The following CMSS1 variants were observed in gnomAD, a reference collection of about 807,000 sequenced individuals.
CMSS1 encodes protein CMSS1.
A neutral mutation model predicts 43.5 loss-of-function variants in CMSS1; 33 were observed. The observed-to-expected ratio is 0.76, with a 90% CI of 0.57 to 1.01. The LOEUF is 1.01. Ranked by LOEUF, CMSS1 falls within the 50% of genes least tolerant of loss-of-function variation. The pLI is 0.00. For synonymous variants in CMSS1, 115 were observed against 117.2 expected, an observed-to-expected ratio of 0.98 and a Z score of 0.12; for missense variants, 313 against 326.4, an observed-to-expected ratio of 0.96 and a Z score of 0.32.
chr3:99,907,951 T>C (rs764520744), intron 1 of CMSS1, among the ~76,000 whole-genome samples: 19 of 152,204 alleles, frequency 1.2e-4, no homozygotes, highest in Non-Finnish European at 2.5e-4. Flanking sequence ...CATTTTGAAA[T>C]GAATGAATAA....
chr3:100,134,492 A>G (rs550239693), intron 1 of CMSS1, among the ~76,000 whole-genome samples: 4 of 152,326 alleles, frequency 2.6e-5, no homozygotes, highest in African/African-American at 9.6e-5. Context: ...GGATGGCCTC[A>G]TCTCCATTTC....
intron 1 of CMSS1, among the ~76,000 whole-genome samples, chr3:100,006,775 G>A (rs1256277917): frequency 6.6e-6 from 1 of 152,118 alleles, no homozygotes; most frequent in South Asian, 2.1e-4. Flanking sequence ...AATCAGATAA[G>A]TAAATTAATA....
At chr3:100,018,660 A>G (rs775706558) in intron 1 of CMSS1, among the ~76,000 whole-genome samples, 2 of 151,878 alleles carry the variant, frequency 1.3e-5, no homozygotes, top group Non-Finnish European at 2.9e-5. Context: ...TTTTTTGGAT[A>G]TGATATCAAA....
chr3:100,043,683 A>G lies in CMSS1; in HGVS notation c.65-103290A>G, dbSNP rs142936150. On this transcript the variant is annotated intron_variant, in intron 1 of 9. Coordinates refer to ENST00000421999, the MANE Select transcript of CMSS1 (RefSeq NM_032359.4). The stretch of plus-strand genomic sequence containing the variant: ...TTTATTTTTTAAAACTTTTTTTACA[A>G]AATGACAAAAAATTGTGTATATTTA... 2.4e-3 allele frequency among the ~76,000 whole-genome samples: 370 copies of G among 152,334 alleles called. 1 individual carries two copies. Among genetic ancestry groups the G allele is most frequent in the African/African-American group, 8.4e-3 (348 of 41,572 alleles).
chr3:100,173,138 G>A (rs1269905951), intron 8 of CMSS1, among the ~76,000 whole-genome samples: 1 of 152,042 alleles, frequency 6.6e-6, no homozygotes, highest in Non-Finnish European at 1.5e-5. Flanking sequence ...TATAGAGATG[G>A]TCATTTGCCA....
chr3:99,893,673 T>C (rs1008871094), intron 1 of CMSS1, among the ~76,000 whole-genome samples: 3 of 152,232 alleles, frequency 2.0e-5, no homozygotes, highest in Non-Finnish European at 4.4e-5. Context: ...AAGTTAGCTA[T>C]TTTAAAGTAA....
chr3:99,859,216 G>A (rs1399187587), intron 1 of CMSS1, among the ~76,000 whole-genome samples: 4 of 152,252 alleles, frequency 2.6e-5, no homozygotes, highest in Non-Finnish European at 5.9e-5. Context: ...AGACCTTGAT[G>A]AGACAAATAC....
chr3:100,076,198 C>G (rs1379231103), intron 1 of CMSS1, among the ~76,000 whole-genome samples: 1 of 152,160 alleles, frequency 6.6e-6, no homozygotes, highest in Non-Finnish European at 1.5e-5. Context: ...AGTTAAGTAC[C>G]TCTTTTTGTC....
chr3:99,894,252 AGG>A (rs1213898889), intron 1 of CMSS1, among the ~76,000 whole-genome samples: 1 of 152,224 alleles, frequency 6.6e-6, no homozygotes, highest in African/African-American at 2.4e-5. Flanking sequence ...TTCAGTGCTA[AGG>A]GAGAAGATCT....
intron 1 of CMSS1, chr3:99,924,506 G>A: frequency 8.0e-7 from 1 of 1,257,074 alleles, no homozygotes; most frequent in Admixed American, 2.3e-5. Context: ...ATTCGGCAGT[G>A]GGTTTTTTTG....
intron 1 of CMSS1, among the ~76,000 whole-genome samples, chr3:99,842,602 A>G (rs1217966611): frequency 6.6e-6 from 1 of 152,120 alleles, no homozygotes; most frequent in African/African-American, 2.4e-5. Context: ...AAATAAGAAA[A>G]CTAGTTTCAG....
intron 1 of CMSS1, among the ~76,000 whole-genome samples, chr3:99,951,321 T>G (rs906198851): frequency 6.6e-6 from 1 of 152,138 alleles, no homozygotes; most frequent in Non-Finnish European, 1.5e-5. Context: ...ATCTATATTA[T>G]TATCTAAAGA....
intron 1 of CMSS1, among the ~76,000 whole-genome samples, chr3:100,046,532 T>TC (rs1559738371): frequency 6.6e-6 from 1 of 151,838 alleles, no homozygotes; most frequent in Non-Finnish European, 1.5e-5. Context: ...ATTCCCCAAC[T>TC]CCCCCCAGGA....
At chr3:100,005,249 A>G (rs1288094480) in intron 1 of CMSS1, among the ~76,000 whole-genome samples, 1 of 152,162 alleles carries the variant, frequency 6.6e-6, no homozygotes, top group Non-Finnish European at 1.5e-5. Flanking sequence ...TCTTTTTCTC[A>G]GATTGCTCAC....
rs1706742617 is a variant in CMSS1, at chr3:99,909,990, T to C, written c.64+91947T>C. Among the ~76,000 whole-genome samples, 2 of 83,800 alleles carry C rather than the reference T, an allele frequency of 2.4e-5. 1 individual carries two copies. The highest frequency in any genetic ancestry group is 6.4e-5 in the Non-Finnish European group (2 of 31,076). The allele number at this position is 83,800 out of a possible 152,430, so 55.0% of individuals were successfully genotyped here. A position where few individuals can be genotyped will look rare whatever the true frequency, so the allele number is the denominator to read the frequency against. The stretch of plus-strand genomic sequence containing the variant: ...TCAGTTCTCGGGGCAAAATGTGTAT[T>C]CAGAGCTGAAATTTTGTTTAAGAAT... On this transcript the variant is annotated intron_variant, in intron 1 of 9. Coordinates refer to ENST00000421999, the MANE Select transcript of CMSS1 (RefSeq NM_032359.4).
At chr3:100,111,588 G>A (rs2066491947) in intron 1 of CMSS1, among the ~76,000 whole-genome samples, 1 of 152,146 alleles carries the variant, frequency 6.6e-6, no homozygotes, top group Non-Finnish European at 1.5e-5. Context: ...AAGCACAGTA[G>A]GGCTGCTCTT....
chr3:99,851,212 ATT>A lies in CMSS1; in HGVS notation c.64+33171_64+33172del, dbSNP rs1943681509. On this transcript the variant is annotated intron_variant, in intron 1 of 9. Transcript: ENST00000421999. ...ATACAATATGCAAAAGAGTTCCTGA[ATT>A]TGATGACAGAGGAAAATCTTGATAA... 3 of 618,372 alleles carry A rather than the reference ATT, an allele frequency of 4.9e-6. No individual in the cohort carries two copies. In the East Asian group the frequency reaches 9.6e-5, roughly 20 times the overall value. 38.3% of individuals were successfully genotyped at this position (618,372 alleles called of 1,614,324 possible). A position where few individuals can be genotyped will look rare whatever the true frequency, so the allele number is the denominator to read the frequency against.
chr3:100,082,572 A>C (rs780075210), intron 1 of CMSS1, among the ~76,000 whole-genome samples: 6 of 152,136 alleles, frequency 3.9e-5, no homozygotes, highest in Non-Finnish European at 8.8e-5. Flanking sequence ...AAGACCCTAA[A>C]CAGCAGCATG....
chr3:99,967,149 C>A (rs1368364389), intron 1 of CMSS1, among the ~76,000 whole-genome samples: 2 of 152,206 alleles, frequency 1.3e-5, no homozygotes, highest in Admixed American at 6.5e-5. Flanking sequence ...TTAGGTCTGG[C>A]AATGGATATA....
Sources: allele counts gnomAD v4.1 joint callset (sites outside exome capture counted in the v4.1 genomes callset), GRCh38; gene constraint gnomAD v4.1.1; transcripts MANE v1.5; gene names NCBI Gene and HGNC (gene_info 2026-07-23, HGNC 2026-07-21).